TTLL5: variants seen among roughly 807,000 people sequenced by gnomAD.
TTLL5 encodes tubulin polyglutamylase TTLL5.
TTLL5 carries 132 observed loss-of-function variants against 168.4 expected under a neutral mutation model. That is an observed-to-expected ratio of 0.78 (90% CI 0.68 to 0.91). The LOEUF (loss-of-function observed/expected upper bound fraction) is 0.91, where lower values mean the gene tolerates loss of function less well. TTLL5 is among the 40% of genes least tolerant of loss of function. The pLI is 0.00. For synonymous variants in TTLL5, 546 were observed against 558.6 expected (o/e 0.98, Z 0.32); for missense variants, 1,545 against 1,581.5 (o/e 0.98, Z 0.39).
At chr14:75,792,490 GCTTT>G (rs1448728332) in intron 26 of TTLL5, among the ~76,000 whole-genome samples, 3 of 151,850 alleles carry the variant, frequency 2.0e-5, no homozygotes, top group African/African-American at 7.3e-5. Context: ...TCCCTTTTGA[GCTTT>G]CTAAGTATTA....
chr14:75,717,219 G>A (rs1887529290), intron 9 of TTLL5, among the ~76,000 whole-genome samples: 1 of 151,916 alleles, frequency 6.6e-6, no homozygotes, highest in African/African-American at 2.4e-5. Flanking sequence ...GGCTCAAGCA[G>A]TCTTCTCACC....
intron 17 of TTLL5, among the ~76,000 whole-genome samples, chr14:75,749,253 A>G (rs935408604): frequency 1.3e-4 from 20 of 152,292 alleles, no homozygotes; most frequent in Non-Finnish European, 2.4e-4. Context: ...ATTTCAAGAT[A>G]TAGGACCTTA....
intron 31 of TTLL5, among the ~76,000 whole-genome samples, chr14:75,911,502 T>C (rs1471355071): frequency 3.9e-5 from 6 of 152,238 alleles, no homozygotes. Context: ...TAGAAGTTGC[T>C]GTATGTATCA....
At chr14:75,949,635 T>C (rs900802653) in intron 31 of TTLL5, among the ~76,000 whole-genome samples, 1 of 151,574 alleles carries the variant, frequency 6.6e-6, no homozygotes, top group South Asian at 2.1e-4. Flanking sequence ...TTGCCCAAGC[T>C]CCTAGGAGTT....
At chr14:75,759,695 C>T (rs1374718157) in intron 18 of TTLL5, among the ~76,000 whole-genome samples, 2 of 151,910 alleles carry the variant, frequency 1.3e-5, no homozygotes, top group Non-Finnish European at 2.9e-5. Context: ...TGAGATTTTC[C>T]CCAGTATTGC....
In TTLL5 at chr14:75,788,303, G is replaced by T. The variant is rs140445128; in HGVS notation, c.2987-4613G>T. 4.2e-3 allele frequency among the ~76,000 whole-genome samples: 634 copies of T among 152,044 alleles called. 3 individuals carry two copies. The highest frequency in any genetic ancestry group is 0.015 in the African/African-American group (614 of 41,502). On this transcript the variant is annotated intron_variant, in intron 26 of 31. Coordinates refer to ENST00000298832, the MANE Select transcript of TTLL5 (RefSeq NM_015072.5). ...CAATAATTATAGAATTCAAAAATAAGGCACAGTAGAGGGTGGCAAAGCCAA... is the reference window on the plus strand; with the variant it reads ...CAATAATTATAGAATTCAAAAATAATGCACAGTAGAGGGTGGCAAAGCCAA...
At chr14:75,781,731 G>A (rs576644237) in intron 24 of TTLL5, among the ~76,000 whole-genome samples, 1 of 152,228 alleles carries the variant, frequency 6.6e-6, no homozygotes, top group Non-Finnish European at 1.5e-5. Context: ...GAGGCAGGTG[G>A]ATCACCTGAG....
intron 4 of TTLL5, among the ~76,000 whole-genome samples, chr14:75,683,023 C>T (rs530143074): frequency 1.3e-5 from 2 of 152,278 alleles, no homozygotes; most frequent in South Asian, 2.1e-4. Flanking sequence ...CCTCCCGCCT[C>T]GGCCTCCCAA....
intron 28 of TTLL5, among the ~76,000 whole-genome samples, chr14:75,849,337 C>T (rs1896724732): frequency 6.6e-6 from 1 of 152,154 alleles, no homozygotes; most frequent in Non-Finnish European, 1.5e-5. Context: ...TTCATTGAGT[C>T]AACCTTATTC....
Position 75,801,406 on chromosome 14 carries a change from G to C in TTLL5, c.3171+8306G>C, listed in dbSNP as rs368182811. ...ATTTTGATACAGGCATATAGTGTGT[G>C]TTGATCATATCAGGGTAAAGGTGTC... On this transcript the variant is annotated intron_variant, in intron 27 of 31. Coordinates refer to ENST00000298832, the MANE Select transcript of TTLL5 (RefSeq NM_015072.5). Among the ~76,000 whole-genome samples, 6 of 152,264 alleles carry C rather than the reference G, an allele frequency of 3.9e-5. No homozygotes were observed. In the South Asian group the frequency reaches 1.2e-3, roughly 32 times the overall value.
At chr14:75,879,694 A>G (rs573020800) in intron 29 of TTLL5, among the ~76,000 whole-genome samples, 1 of 152,330 alleles carries the variant, frequency 6.6e-6, no homozygotes, top group African/African-American at 2.4e-5. Context: ...TGTAAGTGAC[A>G]AGGCCTACAT....
intron 30 of TTLL5, 90 bp from the exon 31 acceptor site, chr14:75,902,052 C>G: frequency 9.4e-7 from 1 of 1,067,662 alleles, no homozygotes; most frequent in East Asian, 2.4e-5. Flanking sequence ...GGAGAAGCAG[C>G]ACCAAGAGCA....
chr14:75,696,792 A>G (rs1594887022), intron 6 of TTLL5, among the ~76,000 whole-genome samples: 1 of 152,202 alleles, frequency 6.6e-6, no homozygotes, highest in East Asian at 1.9e-4. Context: ...TTACTAGCAA[A>G]TAACGTGTGT....
chr14:75,707,045 A>G lies in TTLL5; in HGVS notation c.613A>G (p.Ile205Val), dbSNP rs758282328. 1.2e-6 allele frequency: 2 copies of G among 1,612,716 alleles called. No individual in the cohort carries two copies. The highest frequency in any genetic ancestry group is 1.7e-6 in the Non-Finnish European group (2 of 1,179,222). ...AAACCAGATCTCCCTGGAAGAGAAC[A>G]TTTTGGTCTCCCGTTACATTAACAA... ...NPNQISLEEN[I>V]LVSRYINNPL... The change falls in exon 8 of 32, where the codon ATT becomes GTT. Residue 205 changes from isoleucine (I) to valine (V), a missense_variant. Ile to Val is a conservative substitution (Grantham distance 29, BLOSUM62 3). Transcript: ENST00000298832.
At chr14:75,808,179 T>C (rs1313566266) in intron 27 of TTLL5, among the ~76,000 whole-genome samples, 1 of 152,198 alleles carries the variant, frequency 6.6e-6, no homozygotes, top group African/African-American at 2.4e-5. Context: ...TGGCAAATCT[T>C]GATCTGGAAC....
At chr14:75,752,093 C>T (rs760836004) in intron 17 of TTLL5, among the ~76,000 whole-genome samples, 30 of 152,268 alleles carry the variant, frequency 2.0e-4, no homozygotes, top group Admixed American at 3.9e-4. Flanking sequence ...TCACTGCCAT[C>T]TTGGTTTTGG....
rs1892119623 is a variant in TTLL5 at position 75,782,537 on chromosome 14, C to A, written c.2566C>A (p.Gln856Lys). 6.2e-7 allele frequency: 1 copy of A among 1,613,890 alleles called. No homozygotes were observed. Among genetic ancestry groups the A allele is most frequent in the African/African-American group, 1.3e-5 (1 of 75,020 alleles). The change falls in exon 25 of 32, where the codon CAA becomes AAA. Residue 856 changes from glutamine (Q) to lysine (K), a missense_variant. Gln to Lys is a moderately conservative substitution (Grantham distance 53). Coordinates refer to ENST00000298832, the MANE Select transcript of TTLL5 (RefSeq NM_015072.5). The part of the protein sequence containing the change: ...EEVKIKPPKQ[Q>K]QTTEIHSDKL... ...AGTGAAAATAAAGCCACCTAAACAG[C>A]AACAGACGACAGAAATTCATTCTGA...
Position 75,707,098 on chromosome 14 carries a change from A to T in TTLL5, c.655+11A>T. 6.2e-7 allele frequency: 1 copy of T among 1,610,578 alleles called. No individual in the cohort carries two copies. Among genetic ancestry groups the T allele is most frequent in the African/African-American group, 1.3e-5 (1 of 74,882 alleles). ...CCCTGCTCATAGATGGTGAGTTGTGATTAGGCCCTTGACCAAATTGGGCCA... is the reference window on the plus strand; with the variant it reads ...CCCTGCTCATAGATGGTGAGTTGTGTTTAGGCCCTTGACCAAATTGGGCCA... On this transcript the variant is annotated intron_variant, in intron 8 of 31. Transcript: ENST00000298832.
intron 24 of TTLL5, among the ~76,000 whole-genome samples, chr14:75,780,023 G>T (rs922678866): frequency 6.6e-6 from 1 of 152,150 alleles, no homozygotes; most frequent in Non-Finnish European, 1.5e-5. Context: ...AAACCATATA[G>T]AGTGGGCACT....
Sources: allele counts gnomAD v4.1 joint callset (sites outside exome capture counted in the v4.1 genomes callset), GRCh38; gene constraint gnomAD v4.1.1; transcripts MANE v1.5; gene names NCBI Gene and HGNC (gene_info 2026-07-23, HGNC 2026-07-21).